Variants in ZZEF1 observed in about 807,000 individuals in gnomAD.
The protein encoded by ZZEF1 is zinc finger ZZ-type and EF-hand domain-containing protein 1.
Under a neutral mutation model 342.8 loss-of-function variants are expected in ZZEF1, and 157 were observed. The ratio of observed to expected loss-of-function variants is 0.46; its 90% CI spans 0.40 to 0.52. The LOEUF (loss-of-function observed/expected upper bound fraction) is 0.52, where lower values mean the gene tolerates loss of function less well. Ranked by LOEUF, ZZEF1 falls within the 20% of genes least tolerant of loss-of-function variation. The pLI, the probability that ZZEF1 is intolerant of heterozygous loss-of-function variation, is 0.00. For synonymous variants in ZZEF1, 1,505 were observed against 1,429.1 expected, an observed-to-expected ratio of 1.05 and a Z score of -1.20; for missense variants, 3,480 against 3,725.6, an observed-to-expected ratio of 0.93 and a Z score of 1.72.
chr17:4,121,665 A>G (rs2058484836), intron 2 of ZZEF1, among the ~76,000 whole-genome samples: 1 of 152,134 alleles, frequency 6.6e-6, no homozygotes, highest in South Asian at 2.1e-4. Context: ...GAGACTAGGG[A>G]AAAAGTTAAC....
chr17:4,123,311 CA>C (rs1490579870), intron 2 of ZZEF1, among the ~76,000 whole-genome samples: 2 of 66,622 alleles, frequency 3.0e-5, no homozygotes, highest in Non-Finnish European at 6.5e-5. Flanking sequence ...ATATATATAT[CA>C]GAAAAATATA....
At chr17:4,138,136 A>G (rs1474800270) in intron 1 of ZZEF1, among the ~76,000 whole-genome samples, 1 of 152,232 alleles carries the variant, frequency 6.6e-6, no homozygotes, top group Non-Finnish European at 1.5e-5. Context: ...AGACAAATAC[A>G]TATTTGGTCC....
chr17:4,042,690 T>C, intron 38 of ZZEF1, 122 bp from the exon 39 acceptor site: 1 of 1,157,506 alleles, frequency 8.6e-7, no homozygotes, highest in Non-Finnish European at 1.2e-6. Flanking sequence ...TTCATTTATT[T>C]TTTAAATTTG....
At chr17:4,058,975 C>G (rs983621404) in intron 31 of ZZEF1, among the ~76,000 whole-genome samples, 196 bp downstream of exon 31, 16 of 151,896 alleles carry the variant, frequency 1.1e-4, no homozygotes, top group African/African-American at 3.9e-4. Context: ...AATATACACA[C>G]CAGACAGAAA....
intron 8 of ZZEF1, 65 bp from the exon 9 acceptor site, chr17:4,102,480 T>G: frequency 7.2e-7 from 1 of 1,380,784 alleles, no homozygotes. Flanking sequence ...CTAGCATGCC[T>G]ATCTGTGGAA....
At chr17:4,030,239 G>T (rs1011323450) in intron 42 of ZZEF1, among the ~76,000 whole-genome samples, 5 of 152,020 alleles carry the variant, frequency 3.3e-5, no homozygotes, top group African/African-American at 4.8e-5. Context: ...AACAAAAAGA[G>T]AAGACATAAA....
In ZZEF1 at chr17:4,074,294, G is replaced by T; in HGVS notation, c.3541C>A (p.His1181Asn). The part of the protein sequence containing the change: ...LQFLFHSDSS[H>N]NEWGYKFTVT... ...GTGAATTTGTAGCCCCATTCGTTGT[G>T]ACTGCTGTCAGAGTGAAAGAGGAAC... The change falls in exon 24 of 55, where the codon CAC becomes AAC. Residue 1181 changes from histidine (H) to asparagine (N), a missense_variant. Physicochemically the swap from His to Asn is moderately conservative, Grantham distance 68 (BLOSUM62 1). Coordinates refer to ENST00000381638, the MANE Select transcript of ZZEF1 (RefSeq NM_015113.4). 1 of 1,614,174 alleles carries T rather than the reference G, an allele frequency of 6.2e-7. No homozygotes were observed. Among genetic ancestry groups the T allele is most frequent in the South Asian group, 1.1e-5 (1 of 91,072 alleles).
chr17:4,007,060 TGTG>T, intron 54 of ZZEF1, 90 bp from the exon 55 acceptor site: 1 of 1,216,986 alleles, frequency 8.2e-7, no homozygotes, highest in South Asian at 1.5e-5. Flanking sequence ...GCACTGAGGA[TGTG>T]GGGACGGAGG....
intron 1 of ZZEF1, among the ~76,000 whole-genome samples, chr17:4,140,751 C>G (rs1597958633): frequency 6.6e-6 from 1 of 152,236 alleles, no homozygotes; most frequent in South Asian, 2.1e-4. Context: ...CTCCATTTGC[C>G]TTTGCTCAAA....
intron 46 of ZZEF1, among the ~76,000 whole-genome samples, chr17:4,018,637 C>T (rs1759706594): frequency 6.6e-6 from 1 of 152,176 alleles, no homozygotes; most frequent in South Asian, 2.1e-4. Context: ...TGAACGCAGT[C>T]TGAACAGGTG....
At chr17:4,117,486 A>G (rs2058414697) in intron 2 of ZZEF1, among the ~76,000 whole-genome samples, 1 of 151,830 alleles carries the variant, frequency 6.6e-6, no homozygotes, top group African/African-American at 2.4e-5. Context: ...TCTCTACTAA[A>G]AATACAAAAA....
chr17:4,056,494 G>A, intron 32 of ZZEF1, 149 bp from the exon 33 acceptor site: 2 of 789,430 alleles, frequency 2.5e-6, no homozygotes, highest in Non-Finnish European at 3.5e-6. Flanking sequence ...AAAGCCCCAG[G>A]ATTTGTCAAA....
intron 18 of ZZEF1, among the ~76,000 whole-genome samples, chr17:4,078,815 A>G (rs1045031289): frequency 6.6e-6 from 1 of 152,234 alleles, no homozygotes; most frequent in Admixed American, 6.5e-5. Context: ...GCAGGCATTC[A>G]GTGGATATTT....
Position 4,064,346 on chromosome 17 carries a change from T to C in ZZEF1, c.4718+15A>G, listed in dbSNP as rs761375960. The C allele has an allele frequency of 1.0e-5, 16 of 1,552,288 alleles. 1 individual carries two copies. In the Middle Eastern group the frequency reaches 1.0e-3, roughly 101 times the overall value. On this transcript the variant is annotated intron_variant, in intron 29 of 54. Transcript: ENST00000381638. ...TTAAAAAGAGAAAGCGACAGGAAGG[T>C]AACAACGGGCTTACCTCCTGTGCGA...
intron 42 of ZZEF1, among the ~76,000 whole-genome samples, chr17:4,028,463 G>A (rs985842750): frequency 1.3e-5 from 2 of 151,160 alleles, no homozygotes; most frequent in African/African-American, 2.4e-5. Flanking sequence ...CAGGAGAACT[G>A]CTTGAACCCT....
chr17:4,035,701 A>G lies in ZZEF1; in HGVS notation c.6307-1409T>C, dbSNP rs1386720870. On this transcript the variant is annotated intron_variant, in intron 39 of 54. Coordinates refer to ENST00000381638, the MANE Select transcript of ZZEF1 (RefSeq NM_015113.4). ...GGAGTTCACCCTCACACAGGGGCTC[A>G]GAGTCCAAACAGCATAAGGAGAGTG... 2.0e-5 allele frequency among the ~76,000 whole-genome samples: 3 copies of G among 152,316 alleles called. No individual in the cohort carries two copies. The East Asian group carries it at 5.8e-4, about 29-fold the overall frequency.
intron 5 of ZZEF1, among the ~76,000 whole-genome samples, chr17:4,111,532 G>A (rs977096898): frequency 4.0e-5 from 6 of 151,540 alleles, no homozygotes; most frequent in South Asian, 2.1e-4. Context: ...GGTGGTGTGC[G>A]CCTGTAATCG....
chr17:4,062,673 C>T (rs1341308114), intron 30 of ZZEF1, 80 bp downstream of exon 30: 4 of 1,401,448 alleles, frequency 2.9e-6, no homozygotes. Context: ...AATGATGCTG[C>T]TATTAATCAG....
intron 11 of ZZEF1, among the ~76,000 whole-genome samples, chr17:4,094,343 G>T (rs1198283540): frequency 2.0e-5 from 3 of 151,788 alleles, no homozygotes; most frequent in Non-Finnish European, 4.4e-5. Flanking sequence ...AGAGATGGGG[G>T]TCTCACTATG....
Sources: gnomAD v4.1 joint callset for allele counts (sites outside exome capture counted in the v4.1 genomes callset) on GRCh38, gnomAD v4.1.1 for gene constraint, MANE v1.5 for transcripts, NCBI Gene and HGNC (gene_info 2026-07-23, HGNC 2026-07-21) for gene names.